The following GABBR2 variants were observed in gnomAD, a reference collection of about 807,000 sequenced individuals.
The protein encoded by GABBR2 is gamma-aminobutyric acid type B receptor subunit 2.
In GABBR2, 23 loss-of-function variants were observed where a neutral mutation model predicts 105.6. The ratio of observed to expected loss-of-function variants is 0.22; its 90% CI spans 0.16 to 0.31. GABBR2 has a LOEUF of 0.31. GABBR2 is among the 10% of genes least tolerant of loss of function. The pLI, the probability that GABBR2 is intolerant of heterozygous loss-of-function variation, is 1.00. For missense variants in GABBR2, 734 were observed against 1,245.5 expected (o/e 0.59, Z 6.18); for synonymous variants, 478 against 499.7 (o/e 0.96, Z 0.58).
intron 3 of GABBR2, among the ~76,000 whole-genome samples, chr9:98,517,651 A>G (rs976257626): frequency 3.3e-5 from 5 of 152,202 alleles, no homozygotes; most frequent in African/African-American, 1.2e-4. Flanking sequence ...ATAATATCTC[A>G]TCATGTTGGT....
intron 4 of GABBR2, among the ~76,000 whole-genome samples, chr9:98,483,351 C>T (rs749138836): frequency 6.6e-6 from 1 of 152,188 alleles, no homozygotes; most frequent in Admixed American, 6.5e-5. Context: ...AGCCTCCCTG[C>T]ACCCTTGCCA....
At chr9:98,575,094 C>CG (rs1311220774) in intron 2 of GABBR2, among the ~76,000 whole-genome samples, 7 of 152,134 alleles carry the variant, frequency 4.6e-5, no homozygotes, top group Non-Finnish European at 1.5e-5. Flanking sequence ...ACCACCCCCC[C>CG]CCAAATCTGC....
intron 2 of GABBR2, among the ~76,000 whole-genome samples, chr9:98,559,897 T>C (rs1436499238): frequency 6.8e-6 from 1 of 147,716 alleles, no homozygotes; most frequent in Non-Finnish European, 1.5e-5. Context: ...TCTGGGAAAA[T>C]TAAGTAAAAA....
At chr9:98,318,272 G>A (rs904358299) in intron 13 of GABBR2, among the ~76,000 whole-genome samples, 4 of 152,226 alleles carry the variant, frequency 2.6e-5, no homozygotes, top group Non-Finnish European at 5.9e-5. Context: ...AGCTGATCCA[G>A]GGGCCACCCT....
At chr9:98,412,619 TG>T (rs968704504) in intron 7 of GABBR2, among the ~76,000 whole-genome samples, 1 of 152,172 alleles carries the variant, frequency 6.6e-6, no homozygotes, top group African/African-American at 2.4e-5. Context: ...CTCAGTCCCT[TG>T]CTCCTCTGGG....
chr9:98,505,313 T>G (rs1425846545), intron 3 of GABBR2, among the ~76,000 whole-genome samples: 2 of 151,980 alleles, frequency 1.3e-5, no homozygotes, highest in African/African-American at 4.8e-5. Context: ...TGAAAGTAAG[T>G]GAAAAAAATG....
At chr9:98,528,844 CT>C (rs1263098747) in intron 3 of GABBR2, among the ~76,000 whole-genome samples, 1 of 152,182 alleles carries the variant, frequency 6.6e-6, no homozygotes, top group Non-Finnish European at 1.5e-5. Flanking sequence ...TTGGCATGAT[CT>C]TTCTGGAGGA....
At chr9:98,432,227 C>T (rs1825825329) in intron 7 of GABBR2, among the ~76,000 whole-genome samples, 1 of 151,972 alleles carries the variant, frequency 6.6e-6, no homozygotes, top group Non-Finnish European at 1.5e-5. Flanking sequence ...AGTACCATGG[C>T]CAGAGATTAT....
At chr9:98,445,254 C>T (rs1457774841) in intron 7 of GABBR2, among the ~76,000 whole-genome samples, 2 of 152,138 alleles carry the variant, frequency 1.3e-5, no homozygotes, top group South Asian at 2.1e-4. Context: ...CTGGAGGAGA[C>T]GAATATGGCT....
intron 1 of GABBR2, among the ~76,000 whole-genome samples, chr9:98,625,590 C>A (rs1019916778): frequency 2.6e-5 from 4 of 152,202 alleles, no homozygotes; most frequent in African/African-American, 9.6e-5. Flanking sequence ...TCAAATGAGA[C>A]AACAGGGTGA....
intron 3 of GABBR2, among the ~76,000 whole-genome samples, chr9:98,523,273 A>C (rs1402187741): frequency 6.6e-6 from 1 of 152,252 alleles, no homozygotes; most frequent in East Asian, 1.9e-4. Flanking sequence ...TAAGAAGTAG[A>C]TAAATCAAAG....
chr9:98,394,796 G>A (rs1044188437), intron 8 of GABBR2, among the ~76,000 whole-genome samples: 3 of 152,120 alleles, frequency 2.0e-5, no homozygotes, highest in Non-Finnish European at 4.4e-5. Flanking sequence ...TCTGTAGAGT[G>A]TAGATCCAAG....
intron 13 of GABBR2, among the ~76,000 whole-genome samples, chr9:98,342,884 T>C (rs1209324691): frequency 6.6e-6 from 1 of 152,218 alleles, no homozygotes; most frequent in Non-Finnish European, 1.5e-5. Flanking sequence ...AAGTCAGGCT[T>C]GGACAGGCTT....
intron 1 of GABBR2, among the ~76,000 whole-genome samples, chr9:98,611,576 T>A (rs1588252064): frequency 6.6e-6 from 1 of 152,194 alleles, no homozygotes; most frequent in East Asian, 1.9e-4. Flanking sequence ...TGCTGACCCA[T>A]AACCTTGTAG....
chr9:98,326,695 G>T (rs1266704659), intron 13 of GABBR2, among the ~76,000 whole-genome samples: 2 of 152,192 alleles, frequency 1.3e-5, no homozygotes, highest in African/African-American at 4.8e-5. Flanking sequence ...TGTGAGTGAG[G>T]AATAAACCCT....
chr9:98,480,790 A>G (rs1341193882), intron 5 of GABBR2, 142 bp downstream of exon 5: 1 of 644,820 alleles, frequency 1.6e-6, no homozygotes, highest in East Asian at 2.8e-5. Flanking sequence ...AGGAAAGAAC[A>G]GTGAACGCAA....
chr9:98,362,698 C>T lies in GABBR2; in HGVS notation c.1893+17G>A, dbSNP rs79647519. On this transcript the variant is annotated intron_variant, in intron 13 of 18. Transcript: ENST00000259455. ...CTGCATCTGCAGGCTTCCCTCCTGC[C>T]GGCATGGAGGGCTTACCTCCATGCT... 199 of 1,502,590 alleles carry T rather than the reference C, an allele frequency of 1.3e-4. No homozygotes were observed. Among genetic ancestry groups the T allele is most frequent in the Admixed American group, 1.8e-4 (8 of 44,996 alleles). The allele number at this position is 1,502,590 out of a possible 1,614,324, so 93.1% of individuals were successfully genotyped here. A position where few individuals can be genotyped will look rare whatever the true frequency, so the allele number is the denominator to read the frequency against.
intron 3 of GABBR2, among the ~76,000 whole-genome samples, chr9:98,514,891 A>C (rs1055276201): frequency 2.0e-5 from 3 of 152,214 alleles, no homozygotes; most frequent in African/African-American, 7.2e-5. Context: ...AGGCGGCCAC[A>C]TGGGGAAGTC....
chr9:98,376,671 A>G (rs1244466367), intron 11 of GABBR2, among the ~76,000 whole-genome samples: 3 of 152,192 alleles, frequency 2.0e-5, no homozygotes, highest in African/African-American at 7.2e-5. Context: ...AAGACTCTGA[A>G]GAGCAGCCTC....
Sources: allele counts gnomAD v4.1 joint callset (sites outside exome capture counted in the v4.1 genomes callset), GRCh38; gene constraint gnomAD v4.1.1; transcripts MANE v1.5; gene names NCBI Gene and HGNC (gene_info 2026-07-23, HGNC 2026-07-21).